DACH1: variants seen among roughly 807,000 people sequenced by gnomAD.
DACH1 encodes the protein dachshund homolog 1.
DACH1 carries 12 observed loss-of-function variants against 54.2 expected under a neutral mutation model. The observed-to-expected ratio is 0.22, with a 90% CI of 0.14 to 0.36. The LOEUF is 0.36. DACH1 is among the 10% of genes least tolerant of loss of function. The probability of loss-of-function intolerance (pLI) is 1.00; values close to 1 mark genes in which losing one functional copy is unlikely to be tolerated. For synonymous variants in DACH1, 386 were observed against 366.2 expected (o/e 1.05, Z -0.62); for missense variants, 805 against 929.8 (o/e 0.87, Z 1.75).
In DACH1 at chr13:71,748,898, CTCTTTCTTTCTTTCTT is replaced by C. The variant is rs796904876; in HGVS notation, c.849-67004_849-66989del. Among the ~76,000 whole-genome samples the C allele has an allele frequency of 4.5e-3, 178 of 39,596 alleles. 3 individuals carry two copies. Among genetic ancestry groups the C allele is most frequent in the African/African-American group, 0.012 (148 of 12,860 alleles). 26.0% of individuals were successfully genotyped at this position (39,596 alleles called of 152,430 possible). A position where few individuals can be genotyped will look rare whatever the true frequency, so the allele number is the denominator to read the frequency against. ...TCTTTCTTTCTTTCTTTCTTTCTTTCTCTTTCTTTCTTTCTTTCTTTCTTTCTTTCTTTCTTTCTTT... is the reference window on the plus strand; with the variant it reads ...TCTTTCTTTCTTTCTTTCTTTCTTTCTCTTTCTTTCTTTCTTTCTTTCTTT... On this transcript the variant is annotated intron_variant, in intron 1 of 10. Transcript: ENST00000613252.
rs184316877 is a variant in DACH1, at chr13:71,562,173, C to T, written c.1300-2218G>A. Among the ~76,000 whole-genome samples the T allele has an allele frequency of 1.4e-3, 207 of 152,100 alleles. 1 individual carries two copies. The highest frequency in any genetic ancestry group is 4.8e-3 in the African/African-American group (200 of 41,502). ...ACAATAAACTCCCACAGAAGGCAGA[C>T]GTATTGTTAGTATTATACTAAAAAG... On this transcript the variant is annotated intron_variant, in intron 4 of 10. Coordinates refer to ENST00000613252, the MANE Select transcript of DACH1 (RefSeq NM_080759.6).
At chr13:71,754,951 A>T (rs1366055205) in intron 1 of DACH1, among the ~76,000 whole-genome samples, 2 of 152,190 alleles carry the variant, frequency 1.3e-5, no homozygotes, top group Non-Finnish European at 2.9e-5. Context: ...ATGGGCAAAA[A>T]GACCGGGGCC....
chr13:71,715,228 A>T (rs938562653), intron 1 of DACH1, among the ~76,000 whole-genome samples: 4 of 152,246 alleles, frequency 2.6e-5, no homozygotes, highest in South Asian at 2.1e-4. Flanking sequence ...TTTGCCATGG[A>T]TCAAAAGACA....
chr13:71,574,640 A>G (rs1011400610), intron 3 of DACH1, among the ~76,000 whole-genome samples: 1 of 152,046 alleles, frequency 6.6e-6, no homozygotes, highest in African/African-American at 2.4e-5. Flanking sequence ...TCTGGATCTT[A>G]GAGTAAAGTG....
intron 4 of DACH1, among the ~76,000 whole-genome samples, chr13:71,560,623 G>T (rs941023340): frequency 6.6e-6 from 1 of 152,086 alleles, no homozygotes; most frequent in Non-Finnish European, 1.5e-5. Context: ...GGGAAATTTG[G>T]TACTGTGCTT....
chr13:71,533,411 T>C (rs1386535728), intron 6 of DACH1, among the ~76,000 whole-genome samples: 3 of 151,948 alleles, frequency 2.0e-5, no homozygotes, highest in Admixed American at 6.6e-5. Context: ...AGGACAAAAC[T>C]CCAAGCTTGG....
intron 10 of DACH1, among the ~76,000 whole-genome samples, chr13:71,473,460 T>C (rs982431033): frequency 3.3e-5 from 5 of 152,132 alleles, no homozygotes; most frequent in African/African-American, 9.7e-5. Context: ...AAACTGAAAG[T>C]TGTCAACATT....
chr13:71,765,443 A>G (rs535598398), intron 1 of DACH1, among the ~76,000 whole-genome samples: 1 of 152,300 alleles, frequency 6.6e-6, no homozygotes, highest in African/African-American at 2.4e-5. Context: ...TCTTGCCTCC[A>G]TTTGTAGTAC....
intron 2 of DACH1, among the ~76,000 whole-genome samples, chr13:71,635,644 C>A (rs777682869): frequency 1.3e-5 from 2 of 152,074 alleles, no homozygotes; most frequent in East Asian, 3.9e-4. Flanking sequence ...TTTGCCACAC[C>A]CTTTTCCTTC....
At chr13:71,704,362 A>G in intron 1 of DACH1, 1 of 430,702 alleles carries the variant, frequency 2.3e-6, no homozygotes, top group South Asian at 2.0e-5. Flanking sequence ...GCAAAACTGG[A>G]AGAGTCTACC....
Position 71,630,715 on chromosome 13 carries a change from G to C in DACH1, c.967C>G (p.Leu323Val), listed in dbSNP as rs778884626. 12 of 1,562,064 alleles carry C rather than the reference G, an allele frequency of 7.7e-6. No homozygotes were observed. In the Admixed American group the frequency reaches 8.8e-5, roughly 11 times the overall value. The change falls in exon 3 of 11, where the codon CTG (leucine) becomes GTG (valine). Residue 323 changes from leucine (L) to valine (V), a missense_variant and splice_region_variant. Leu to Val is a conservative substitution (Grantham distance 32). This residue lies in a region of DACH1 where 472 missense variants were observed against 545.3 expected (regional missense o/e 0.87). Transcript: ENST00000613252. Reference protein sequence around the residue: ...MSPGIIPPTGLTAAAAAAAAA... With the variant: ...MSPGIIPPTGVTAAAAAAAAA... ...GCAGCTGCTGCAGCGGCTGCTGTCA[G>C]ACCTTAAAAGAATAAATTAAAAATG...
intron 7 of DACH1, among the ~76,000 whole-genome samples, chr13:71,482,225 G>C (rs574343665): frequency 1.6e-4 from 25 of 151,822 alleles, no homozygotes; most frequent in Non-Finnish European, 3.4e-4. Flanking sequence ...TCATTTTTTA[G>C]AGATTGAGTT....
At chr13:71,465,232 C>A (rs1200085869) in intron 10 of DACH1, among the ~76,000 whole-genome samples, 1 of 152,060 alleles carries the variant, frequency 6.6e-6, no homozygotes, top group African/African-American at 2.4e-5. Context: ...TAATAACACA[C>A]TTTCCATAAC....
chr13:71,794,932 T>C (rs1004755826), intron 1 of DACH1, among the ~76,000 whole-genome samples: 2 of 152,162 alleles, frequency 1.3e-5, no homozygotes, highest in Non-Finnish European at 2.9e-5. Flanking sequence ...CTTAAGCATA[T>C]CTTAAACCTT....
chr13:71,497,811 G>T (rs535260696), intron 6 of DACH1, among the ~76,000 whole-genome samples: 10 of 151,328 alleles, frequency 6.6e-5, no homozygotes, highest in Non-Finnish European at 1.5e-4. Flanking sequence ...ATATGAACTG[G>T]TTTATCAATT....
At chr13:71,638,570 T>C (rs1379370155) in intron 2 of DACH1, among the ~76,000 whole-genome samples, 1 of 152,214 alleles carries the variant, frequency 6.6e-6, no homozygotes, top group African/African-American at 2.4e-5. Flanking sequence ...GTTTTTTTAA[T>C]CTTATAAGCA....
chr13:71,614,287 G>A (rs764127611), intron 3 of DACH1, among the ~76,000 whole-genome samples: 9 of 151,992 alleles, frequency 5.9e-5, no homozygotes, highest in Non-Finnish European at 1.2e-4. Flanking sequence ...CAGAATTCAC[G>A]GGTAGTTGAC....
At position 71,475,792 on chromosome 13, in the gene DACH1, G is replaced by A. The variant is rs1415926878; in HGVS notation, c.1928C>T (p.Ala643Val). 1 of 1,613,398 alleles carries A rather than the reference G, an allele frequency of 6.2e-7. No individual in the cohort carries two copies. Among genetic ancestry groups the A allele is most frequent in the Admixed American group, 1.7e-5 (1 of 59,858 alleles). The change falls in exon 9 of 11, where the codon GCA becomes GTA. Residue 643 changes from alanine to valine, a missense_variant. Around this residue, in one of 3 missense-constraint regions of DACH1, gnomAD observed 472 missense variants for 545.3 expected, o/e 0.87. Transcript: ENST00000613252. ...ACGCCGTTTCGTCTCAAACTCAAGTGCTTCCTGCAATTTTCTCTTTGCCTT... is the reference window on the plus strand; with the variant it reads ...ACGCCGTTTCGTCTCAAACTCAAGTACTTCCTGCAATTTTCTCTTTGCCTT... ...EKKAKRKLQE[A>V]LEFETKRREQ...
chr13:71,837,556 C>T (rs374327728), intron 1 of DACH1, among the ~76,000 whole-genome samples: 3 of 151,974 alleles, frequency 2.0e-5, no homozygotes, highest in South Asian at 2.1e-4. Flanking sequence ...AAAATTAACA[C>T]GGCTTATATT....
Sources: gnomAD v4.1 joint callset for allele counts (sites outside exome capture counted in the v4.1 genomes callset) on GRCh38, gnomAD v4.1.1 for gene constraint, gnomAD v4.1.1 regional missense constraint, MANE v1.5 for transcripts, NCBI Gene and HGNC (gene_info 2026-07-23, HGNC 2026-07-21) for gene names.